Variants in CERS6 observed in about 807,000 individuals in gnomAD.
CERS6 encodes LAG1 homolog, ceramide synthase 6.
CERS6 carries 26 observed loss-of-function variants against 56.8 expected under a neutral mutation model. The ratio of observed to expected loss-of-function variants is 0.46; its 90% CI spans 0.34 to 0.63. The LOEUF is 0.63. CERS6 is among the 30% of genes least tolerant of loss of function. The probability of loss-of-function intolerance (pLI) is 0.01; values close to 1 mark genes in which losing one functional copy is unlikely to be tolerated. For missense variants in CERS6, 415 were observed against 467.5 expected (o/e 0.89, Z 1.04); for synonymous variants, 164 against 173.3 (o/e 0.95, Z 0.42).
chr2:168,743,995 CTTTTTT>C (rs58256507), intron 8 of CERS6, among the ~76,000 whole-genome samples: 1 of 63,404 alleles, frequency 1.6e-5, no homozygotes, highest in African/African-American at 6.9e-5. Flanking sequence ...TCTTTTTTTT[CTTTTTT>C]TTTTTTTTTT....
chr2:168,549,345 T>A (rs1309738086), intron 2 of CERS6, among the ~76,000 whole-genome samples: 2 of 152,180 alleles, frequency 1.3e-5, no homozygotes, highest in Non-Finnish European at 2.9e-5. Context: ...TTCTAAAGAA[T>A]ACTTGCTTTG....
At chr2:168,547,779 C>G in intron 2 of CERS6, 78 bp downstream of exon 2, 1 of 1,049,092 alleles carries the variant, frequency 9.5e-7, no homozygotes, top group Non-Finnish European at 1.5e-6. Context: ...TTGTCCCCTT[C>G]TGGGTTTGGA....
intron 3 of CERS6, among the ~76,000 whole-genome samples, chr2:168,624,041 G>C (rs1280559739): frequency 6.6e-6 from 1 of 152,182 alleles, no homozygotes; most frequent in Non-Finnish European, 1.5e-5. Flanking sequence ...AGGATTAGAT[G>C]CCTCTGATTT....
At chr2:168,606,186 C>T (rs886397487) in intron 3 of CERS6, among the ~76,000 whole-genome samples, 3 of 152,182 alleles carry the variant, frequency 2.0e-5, no homozygotes, top group African/African-American at 4.8e-5. Context: ...CACCAGTGTG[C>T]CCTGGATGTG....
chr2:168,701,983 G>A (rs181219093), intron 6 of CERS6, among the ~76,000 whole-genome samples: 21 of 152,128 alleles, frequency 1.4e-4, no homozygotes, highest in Admixed American at 9.2e-4. Flanking sequence ...TAGTTATACT[G>A]TATTTCTTAG....
intron 3 of CERS6, among the ~76,000 whole-genome samples, chr2:168,576,932 G>A (rs1254911934): frequency 6.6e-6 from 1 of 152,180 alleles, no homozygotes; most frequent in Non-Finnish European, 1.5e-5. Flanking sequence ...CCTTGAGTGG[G>A]TTGAGGAAGC....
intron 3 of CERS6, among the ~76,000 whole-genome samples, chr2:168,571,154 C>T (rs1260918764): frequency 2.6e-5 from 4 of 152,206 alleles, no homozygotes; most frequent in East Asian, 1.9e-4. Context: ...TTGGGAATCC[C>T]GTCTGGCTTG....
At position 168,491,699 on chromosome 2, in the gene CERS6, G is replaced by C. The variant is rs1694377085; in HGVS notation, c.170+35081G>C. The stretch of plus-strand genomic sequence containing the variant: ...CAGAACGTGTAGGTTTGTTACATAG[G>C]TATACACGTGCCATGGTGGTTTGCT... On this transcript the variant is annotated intron_variant, in intron 1 of 9. Coordinates refer to ENST00000305747, the MANE Select transcript of CERS6 (RefSeq NM_203463.3). 1.3e-5 allele frequency among the ~76,000 whole-genome samples: 2 copies of C among 151,898 alleles called. 1 individual carries two copies. The highest frequency in any genetic ancestry group is 1.3e-4 in the Admixed American group (2 of 15,224).
In CERS6 at chr2:168,618,096, G is replaced by A. The variant is rs1313374160; in HGVS notation, c.408-12889G>A. 2.0e-5 allele frequency among the ~76,000 whole-genome samples: 3 copies of A among 152,110 alleles called. No individual in the cohort carries two copies. The East Asian group carries it at 5.8e-4, about 29-fold the overall frequency. On this transcript the variant is annotated intron_variant, in intron 3 of 9. Transcript: ENST00000305747. ...GTTTAACATACATCAGTCAATAAAT[G>A]TGATACAACACATAAACAGAATAAA...
intron 6 of CERS6, among the ~76,000 whole-genome samples, chr2:168,703,868 G>A (rs1320937144): frequency 6.6e-6 from 1 of 152,076 alleles, no homozygotes; most frequent in Non-Finnish European, 1.5e-5. Context: ...CCCAATCTTA[G>A]GCCTGTGTCC....
In CERS6 at chr2:168,516,639, C is replaced by T. The variant is rs111777500; in HGVS notation, c.171-30957C>T. 4.1e-4 allele frequency among the ~76,000 whole-genome samples: 62 copies of T among 152,166 alleles called. 1 individual carries two copies. In the South Asian group the frequency reaches 0.01, roughly 25 times the overall value. On this transcript the variant is annotated intron_variant, in intron 1 of 9. Transcript: ENST00000305747. ...GAATTGCTAGGTGTAAGTTTCTTGG[C>T]GGAGCGGCTAGCCCAGAGCTGTTAC...
intron 8 of CERS6, among the ~76,000 whole-genome samples, chr2:168,725,726 A>G (rs143058739): frequency 6.6e-6 from 1 of 152,244 alleles, no homozygotes; most frequent in Admixed American, 6.5e-5. Flanking sequence ...TTGCACTACT[A>G]TTATCAAACG....
chr2:168,700,588 C>T (rs1234524162), intron 6 of CERS6, among the ~76,000 whole-genome samples: 14 of 152,216 alleles, frequency 9.2e-5, no homozygotes, highest in Admixed American at 8.5e-4. Flanking sequence ...TTATTTTTGT[C>T]ATTTTGTCCT....
chr2:168,596,304 T>C (rs187819291), intron 3 of CERS6, among the ~76,000 whole-genome samples: 11 of 151,242 alleles, frequency 7.3e-5, no homozygotes, highest in African/African-American at 2.2e-4. Flanking sequence ...GGGACCTCAA[T>C]AGGGTGGAGA....
At position 168,561,351 on chromosome 2, in the gene CERS6, A is replaced by G. The variant is rs1490745538; in HGVS notation, c.407+29A>G. 6 of 1,613,786 alleles carry G rather than the reference A, an allele frequency of 3.7e-6. No homozygotes were observed. The East Asian group carries it at 1.1e-4, about 30-fold the overall frequency. On this transcript the variant is annotated intron_variant, in intron 3 of 9. Coordinates refer to ENST00000305747, the MANE Select transcript of CERS6 (RefSeq NM_203463.3). ...AGTTGCTGTTTTTCTTTTTGAAAGAAAAGACCTAAGTACTCATGCCAACCC... is the reference window on the plus strand; with the variant it reads ...AGTTGCTGTTTTTCTTTTTGAAAGAGAAGACCTAAGTACTCATGCCAACCC...
intron 1 of CERS6, among the ~76,000 whole-genome samples, chr2:168,538,923 T>A (rs1172928431): frequency 1.3e-5 from 2 of 152,218 alleles, no homozygotes; most frequent in Non-Finnish European, 2.9e-5. Flanking sequence ...AATACCTCTT[T>A]AATTTACTTT....
chr2:168,655,208 GC>G (rs1685439632), intron 4 of CERS6, among the ~76,000 whole-genome samples: 1 of 152,084 alleles, frequency 6.6e-6, no homozygotes, highest in Non-Finnish European at 1.5e-5. Flanking sequence ...TCTTACGATG[GC>G]TTTTATCAAA....
chr2:168,577,358 T>C (rs1312776689), intron 3 of CERS6, among the ~76,000 whole-genome samples: 1 of 151,916 alleles, frequency 6.6e-6, no homozygotes, highest in Non-Finnish European at 1.5e-5. Context: ...CCAAGAGCAG[T>C]TTGGGTGGAA....
chr2:168,592,484 GA>G (rs968871841), intron 3 of CERS6, among the ~76,000 whole-genome samples: 3 of 152,142 alleles, frequency 2.0e-5, no homozygotes, highest in Non-Finnish European at 4.4e-5. Context: ...TTTTGAGCAG[GA>G]AGGGTATTTG....
Sources: gnomAD v4.1 joint callset for allele counts (sites outside exome capture counted in the v4.1 genomes callset) on GRCh38, gnomAD v4.1.1 for gene constraint, MANE v1.5 for transcripts, NCBI Gene and HGNC (gene_info 2026-07-23, HGNC 2026-07-21) for gene names.